SETD2: variants seen among roughly 807,000 people sequenced by gnomAD.
SETD2 encodes the protein histone-lysine N-methyltransferase SETD2.
In SETD2, 31 loss-of-function variants were observed where a neutral mutation model predicts 242.1. That is an observed-to-expected ratio of 0.13 (90% CI 0.10 to 0.17). The LOEUF is 0.17. SETD2 is among the 10% of genes least tolerant of loss of function. The probability of loss-of-function intolerance (pLI) is 1.00; values close to 1 mark genes in which losing one functional copy is unlikely to be tolerated. For missense variants in SETD2, 2,481 were observed against 3,046.3 expected (o/e 0.81, Z 4.37); for synonymous variants, 1,006 against 1,066.5 (o/e 0.94, Z 1.11).
intron 16 of SETD2, among the ~76,000 whole-genome samples, chr3:47,044,398 G>T (rs72913647): frequency 0.013 from 1,564 of 124,774 alleles, 31 homozygotes; most frequent in African/African-American, 0.046. Context: ...GCCTAGAAGG[G>T]CTCAACTCGT....
rs559204709 is a variant in SETD2 at position 47,030,111 on chromosome 3, C to T, written c.7350+7555G>A. 1.1e-4 allele frequency among the ~76,000 whole-genome samples: 17 copies of T among 150,928 alleles called. No individual in the cohort carries two copies. The South Asian group carries it at 3.6e-3, about 32-fold the overall frequency. On this transcript the variant is annotated intron_variant, in intron 18 of 20. Transcript: ENST00000409792. Reference sequence around the variant, plus strand: ...TTGCAGTGAGCCGAGATCGCACCACCGAACTCCAGCCTGGGCAACAGAGTG... The same window carrying T: ...TTGCAGTGAGCCGAGATCGCACCACTGAACTCCAGCCTGGGCAACAGAGTG...
Position 47,122,304 on chromosome 3 carries a change from G to A in SETD2, c.2332C>T (p.Pro778Ser), listed in dbSNP as rs2106674840. The change falls in exon 3 of 21, where the codon CCA (proline) becomes TCA (serine). Residue 778 changes from proline (P) to serine (S), a missense_variant. Around this residue, in one of 17 missense-constraint regions of SETD2, gnomAD observed 1,300 missense variants for 1,259.2 expected, o/e 1.03. Transcript: ENST00000409792. ...CAGCAAGAAACCCTCGTATCAACTGGTTCTTTAACTACTGTTTTGGAATAA... is the reference window on the plus strand; with the variant it reads ...CAGCAAGAAACCCTCGTATCAACTGATTCTTTAACTACTGTTTTGGAATAA... ...VDYSKTVVKE[P>S]VDTRVSCCKT... The A allele has an allele frequency of 6.2e-7, 1 of 1,614,134 alleles. No homozygotes were observed. Among genetic ancestry groups the A allele is most frequent in the South Asian group, 1.1e-5 (1 of 91,076 alleles).
intron 1 of SETD2, among the ~76,000 whole-genome samples, chr3:47,137,636 A>G (rs1413986845): frequency 6.6e-6 from 1 of 152,192 alleles, no homozygotes; most frequent in African/African-American, 2.4e-5. Flanking sequence ...TTTAACTGCC[A>G]AAAACACCAC....
rs749077434 is a variant in SETD2, at chr3:47,122,172, T to C, written c.2464A>G (p.Asn822Asp). 1.4e-5 allele frequency: 23 copies of C among 1,613,878 alleles called. No homozygotes were observed. The highest frequency in any genetic ancestry group is 3.3e-5 in the Admixed American group (2 of 60,000). ...IEPSVMKISS[N>D]SFMNVHLESK... ...TCCAAATGCACATTCATAAAGCTAT[T>C]TGAAGAAATCTTCATAACTGAAGGC... The change falls in exon 3 of 21, where the codon AAT becomes GAT. Residue 822 changes from asparagine (N) to aspartate (D), a missense_variant. Asn to Asp is a conservative substitution (Grantham distance 23). Coordinates refer to ENST00000409792, the MANE Select transcript of SETD2 (RefSeq NM_014159.7).
At chr3:47,138,422 T>C (rs2043644798) in intron 1 of SETD2, 2 of 153,552 alleles carry the variant, frequency 1.3e-5, no homozygotes, top group South Asian at 3.9e-4. Flanking sequence ...CAGGTGTTAT[T>C]ATTATTATTA....
At chr3:47,153,798 T>A (rs2044057848) in intron 1 of SETD2, among the ~76,000 whole-genome samples, 1 of 151,902 alleles carries the variant, frequency 6.6e-6, no homozygotes, top group Non-Finnish European at 1.5e-5. Flanking sequence ...GCCTTCAGTT[T>A]CCTTTTTAAA....
chr3:47,030,571 C>A (rs1169059857), intron 18 of SETD2, among the ~76,000 whole-genome samples: 1 of 151,962 alleles, frequency 6.6e-6, no homozygotes, highest in Non-Finnish European at 1.5e-5. Context: ...CTAAAATGTA[C>A]AAGAATCACA....
At chr3:47,023,709 C>A (rs1233157802) in intron 18 of SETD2, among the ~76,000 whole-genome samples, 18 of 152,006 alleles carry the variant, frequency 1.2e-4, no homozygotes, top group Non-Finnish European at 1.5e-5. Context: ...TTTTAAAAAA[C>A]CCCAATGCAG....
chr3:47,164,024 G>A lies in SETD2; in HGVS notation c.-100C>T. ...CCGCAGGTCCGACCGCGGCGGCGGC[G>A]GCGGCGGCGGCGGCGGCGGCAGGGG... On this transcript the variant is annotated 5_prime_UTR_variant, in exon 1 of 21. Coordinates refer to ENST00000409792, the MANE Select transcript of SETD2 (RefSeq NM_014159.7). The surrounding 1 kb of genome is among the most constrained non-coding windows in gnomAD (Gnocchi z 5.4). The A allele has an allele frequency of 9.7e-7, 1 of 1,032,270 alleles. No homozygotes were observed. The highest frequency in any genetic ancestry group is 1.2e-6 in the Non-Finnish European group (1 of 816,274). 63.9% of individuals were successfully genotyped at this position (1,032,270 alleles called of 1,614,324 possible). A position where few individuals can be genotyped will look rare whatever the true frequency, so the allele number is the denominator to read the frequency against.
At chr3:47,075,264 G>A (rs1185721700) in intron 12 of SETD2, among the ~76,000 whole-genome samples, 1 of 151,598 alleles carries the variant, frequency 6.6e-6, no homozygotes, top group African/African-American at 2.4e-5. Flanking sequence ...AGCAGATTAA[G>A]AATGATCTAA....
intron 18 of SETD2, among the ~76,000 whole-genome samples, chr3:47,034,399 T>A (rs538666332): frequency 2.0e-5 from 3 of 152,354 alleles, no homozygotes; most frequent in Admixed American, 2.0e-4. Context: ...CAGAATTAAT[T>A]GTGAATTAAG....
intron 9 of SETD2, among the ~76,000 whole-genome samples, chr3:47,096,830 A>T (rs1253027572): frequency 6.6e-6 from 1 of 152,200 alleles, no homozygotes; most frequent in Non-Finnish European, 1.5e-5. Flanking sequence ...AGAACACATG[A>T]CATTCCAATG....
In SETD2 at chr3:47,121,692, C is replaced by G. The variant is rs2106658086; in HGVS notation, c.2944G>C (p.Asp982His). The G allele has an allele frequency of 6.2e-7, 1 of 1,613,752 alleles. No individual in the cohort carries two copies. The highest frequency in any genetic ancestry group is 8.5e-7 in the Non-Finnish European group (1 of 1,179,672). Residue 982 changes from aspartate (D) to histidine (H), a missense_variant, in exon 3 of 21, where the codon GAT becomes CAT. Physicochemically the swap from Asp to His is moderately conservative, Grantham distance 81. Transcript: ENST00000409792. ...ACATGTCCTCCTTCTCCTCTTTCAT[C>G]TAAAGAGATTTCTGGTCTTCCTCTT... The part of the protein sequence containing the change: ...ERRGRPEISL[D>H]ERGEGGHVHT...
intron 17 of SETD2, 104 bp from the exon 18 acceptor site, chr3:47,037,881 C>T (rs973507447): frequency 1.4e-4 from 115 of 810,668 alleles, no homozygotes; most frequent in Middle Eastern, 2.4e-4. Context: ...TACAATAAGA[C>T]ATAGAATAAG....
rs2107590196 is a variant in SETD2 at position 47,062,353 on chromosome 3, G to A, written c.6110-7C>T. On this transcript the variant is annotated splice_polypyrimidine_tract_variant and splice_region_variant and intron_variant, in intron 13 of 20. Transcript: ENST00000409792. Reference sequence around the variant, plus strand: ...TCCCTTCCTCGTTCAGTTGCTAAGGGAAAAGGGTGGTTTGTTTGTTTTTTT... The same window carrying A: ...TCCCTTCCTCGTTCAGTTGCTAAGGAAAAAGGGTGGTTTGTTTGTTTTTTT... 6.4e-7 allele frequency: 1 copy of A among 1,554,696 alleles called. No homozygotes were observed. The highest frequency in any genetic ancestry group is 8.6e-7 in the Non-Finnish European group (1 of 1,160,586).
At chr3:47,143,523 C>T (rs1419709430) in intron 1 of SETD2, among the ~76,000 whole-genome samples, 2 of 152,130 alleles carry the variant, frequency 1.3e-5, no homozygotes, top group Admixed American at 1.3e-4. Flanking sequence ...TTTTGAACAT[C>T]ATTTTGCAGA....
chr3:47,064,638 T>C (rs776521637), intron 13 of SETD2: 1 of 419,508 alleles, frequency 2.4e-6, no homozygotes, highest in Non-Finnish European at 5.0e-6. Flanking sequence ...TTCCTAATAT[T>C]ATAAAAATGA....
chr3:47,057,597 A>C, intron 14 of SETD2, 107 bp from the exon 15 acceptor site: 1 of 778,398 alleles, frequency 1.3e-6, no homozygotes, highest in Non-Finnish European at 2.1e-6. Context: ...ACCACATCAA[A>C]CCCTATTTGG....
chr3:47,162,655 C>CTAAG (rs1697524746), intron 1 of SETD2, among the ~76,000 whole-genome samples: 1 of 152,104 alleles, frequency 6.6e-6, no homozygotes, highest in South Asian at 2.1e-4. Context: ...CAGAGCAAAC[C>CTAAG]TAAGGTAAAA....
Sources: gnomAD v4.1 joint callset for allele counts (sites outside exome capture counted in the v4.1 genomes callset) on GRCh38, gnomAD v4.1.1 for gene constraint, gnomAD v4.1.1 regional missense constraint, Gnocchi (gnomAD v3.1) non-coding constraint, MANE v1.5 for transcripts, NCBI Gene and HGNC (gene_info 2026-07-23, HGNC 2026-07-21) for gene names.